CTDP1: variants seen among roughly 807,000 people sequenced by gnomAD.
The protein encoded by CTDP1 is CTD phosphatase 1, also known as RNA polymerase II subunit A C-terminal domain phosphatase.
A neutral mutation model predicts 91.8 loss-of-function variants in CTDP1; 47 were observed. The ratio of observed to expected loss-of-function variants is 0.51; its 90% confidence interval spans 0.41 to 0.65. The LOEUF (loss-of-function observed/expected upper bound fraction) is 0.65. Ranked by LOEUF, CTDP1 falls within the 30% of genes least tolerant of loss-of-function variation. The pLI, the probability that CTDP1 is intolerant of heterozygous loss-of-function variation, is 0.00. For synonymous variants in CTDP1, 656 were observed against 598.5 expected (o/e 1.10, Z -1.40); for missense variants, 1,272 against 1,373.7 (o/e 0.93, Z 1.17).
In CTDP1 at chr18:79,754,243, C is replaced by G; in HGVS notation, c.*453C>G. 4.1e-6 allele frequency: 1 copy of G among 241,364 alleles called. No homozygotes were observed. The highest frequency in any genetic ancestry group is 8.3e-6 in the Non-Finnish European group (1 of 120,504). 15.0% of individuals were successfully genotyped at this position (241,364 alleles called of 1,614,324 possible). On this transcript the variant is annotated 3_prime_UTR_variant, in exon 13 of 13. Coordinates refer to ENST00000613122, the MANE Select transcript of CTDP1 (RefSeq NM_004715.5). ...TGCCTGGAACCCCCGCCGCCTGCTG[C>G]TCCCTCCTAGGGAACCCATTTCCGG...
At chr18:79,695,393 A>T (rs1378723126) in intron 2 of CTDP1, 85 bp downstream of exon 2, 2 of 1,245,392 alleles carry the variant, frequency 1.6e-6, no homozygotes, top group Non-Finnish European at 2.4e-6. Context: ...TGCTGGGAAC[A>T]CAGTGAGGCC....
chr18:79,698,320 C>T (rs1179300084), intron 4 of CTDP1, among the ~76,000 whole-genome samples: 1 of 151,972 alleles, frequency 6.6e-6, no homozygotes, highest in African/African-American at 2.4e-5. Context: ...CGAGGCGTGT[C>T]CTGAGAGGGG....
chr18:79,720,044 TAGGA>T (rs2086304263), intron 10 of CTDP1, among the ~76,000 whole-genome samples: 1 of 142,136 alleles, frequency 7.0e-6, no homozygotes, highest in Admixed American at 7.0e-5. Context: ...CACCTCCCAT[TAGGA>T]AGGCGTCCTG....
chr18:79,704,704 G>A (rs1176233741), intron 4 of CTDP1, 63 bp from the exon 5 acceptor site: 2 of 1,603,690 alleles, frequency 1.2e-6, no homozygotes, highest in Non-Finnish European at 1.7e-6. Context: ...GGGCACACAG[G>A]TTGCGGGGGC....
chr18:79,715,510 C>G lies in CTDP1; in HGVS notation c.2050C>G (p.Leu684Val). ...CGACGCCCCTGACAGGGCCACGCAC[C>G]TGATCGCCGCGCGAGCTGGTGAGTG... is the stretch of plus-strand genomic sequence containing the variant. ...SPDAPDRATH[L>V]IAARAGTEKV... Residue 684 changes from leucine to valine, a missense_variant, in exon 8 of 13, where the codon CTG (leucine) becomes GTG (valine). Physicochemically the swap from Leu to Val is conservative, Grantham distance 32. Coordinates refer to ENST00000613122, the MANE Select transcript of CTDP1 (RefSeq NM_004715.5). 6.4e-7 allele frequency: 1 copy of G among 1,559,796 alleles called. No homozygotes were observed. The highest frequency in any genetic ancestry group is 8.7e-7 in the Non-Finnish European group (1 of 1,155,680).
intron 10 of CTDP1, among the ~76,000 whole-genome samples, chr18:79,721,147 C>T (rs1168932126): frequency 2.6e-5 from 4 of 152,168 alleles, no homozygotes; most frequent in Non-Finnish European, 4.4e-5. Flanking sequence ...ACCCTGGAGC[C>T]GCTCAGGCCC....
At chr18:79,721,005 G>C (rs1487712367) in intron 10 of CTDP1, among the ~76,000 whole-genome samples, 1 of 152,206 alleles carries the variant, frequency 6.6e-6, no homozygotes, top group Non-Finnish European at 1.5e-5. Context: ...AGCCGAATGA[G>C]GGGGCGCCTG....
At chr18:79,702,785 A>G (rs1265274778) in intron 4 of CTDP1, 3 of 152,250 alleles carry the variant, frequency 2.0e-5, no homozygotes, top group African/African-American at 7.2e-5. Context: ...GATTATATTC[A>G]CTGGGAAACC....
At chr18:79,743,739 A>C (rs982482514) in intron 12 of CTDP1, among the ~76,000 whole-genome samples, 1 of 152,218 alleles carries the variant, frequency 6.6e-6, no homozygotes, top group Non-Finnish European at 1.5e-5. Flanking sequence ...CATGAGTCCA[A>C]AATTGATTCT....
At chr18:79,712,069 T>C (rs2086096800) in intron 6 of CTDP1, among the ~76,000 whole-genome samples, 1 of 152,190 alleles carries the variant, frequency 6.6e-6, no homozygotes, top group Non-Finnish European at 1.5e-5. Context: ...TTCAGAAACC[T>C]CCTTTTTGCT....
At position 79,714,535 on chromosome 18, in the gene CTDP1, G is replaced by A. The variant is rs530388928; in HGVS notation, c.1075G>A (p.Val359Met). The change falls in exon 8 of 13, where the codon GTG (valine) becomes ATG (methionine). Residue 359 changes from valine (V) to methionine (M), a missense_variant. Coordinates refer to ENST00000613122, the MANE Select transcript of CTDP1 (RefSeq NM_004715.5). ...TGAGGTCTCAGAGCCATCTCCGCCC[G>A]TGAGAGACCCTGAGGGGGTAACGCA... ...GTEVSEPSPP[V>M]RDPEGVTQAP... 59 of 1,613,156 alleles carry A rather than the reference G, an allele frequency of 3.7e-5. No individual in the cohort carries two copies. The African/African-American group carries it at 3.9e-4, about 11-fold the overall frequency.
chr18:79,725,948 C>T (rs546150966), intron 10 of CTDP1, among the ~76,000 whole-genome samples: 13 of 152,304 alleles, frequency 8.5e-5, no homozygotes, highest in East Asian at 7.7e-4. Context: ...CCACGTTTTT[C>T]TCTGTCTTTA....
At chr18:79,724,924 G>C (rs2086415086) in intron 10 of CTDP1, among the ~76,000 whole-genome samples, 1 of 152,186 alleles carries the variant, frequency 6.6e-6, no homozygotes, top group African/African-American at 2.4e-5. Context: ...AGGGCACTCA[G>C]GTGCACCTGT....
chr18:79,748,872 TGTGTTTGCCGTG>T, intron 12 of CTDP1, among the ~76,000 whole-genome samples: 2 of 40,380 alleles, frequency 5.0e-5, no homozygotes, highest in African/African-American at 7.9e-5. Context: ...AGCCGTTCTG[TGTGTTTGCCGTG>T]TCTGTGTGTT....
intron 10 of CTDP1, among the ~76,000 whole-genome samples, chr18:79,721,580 C>T (rs490904): frequency 0.76 from 115,901 of 152,028 alleles, 44,432 homozygotes; most frequent in Middle Eastern, 0.79. Context: ...GTTCTTTAGA[C>T]GCTGCTTTTC....
intron 12 of CTDP1, among the ~76,000 whole-genome samples, chr18:79,740,657 G>A (rs569571173): frequency 3.3e-5 from 5 of 152,176 alleles, no homozygotes; most frequent in East Asian, 1.9e-4. Context: ...TGCTAATTTC[G>A]CATGGCCAAG....
chr18:79,696,734 T>C (rs2085756904), intron 3 of CTDP1, among the ~76,000 whole-genome samples: 1 of 152,074 alleles, frequency 6.6e-6, no homozygotes, highest in Admixed American at 6.5e-5. Flanking sequence ...AAGAGTGAGA[T>C]GGGTTTTTAT....
In CTDP1 at chr18:79,717,637, A is replaced by G. The variant is rs1271301994; in HGVS notation, c.2171A>G (p.Gln724Arg). The G allele has an allele frequency of 6.2e-7, 1 of 1,613,876 alleles. No individual in the cohort carries two copies. The highest frequency in any genetic ancestry group is 8.5e-7 in the Non-Finnish European group (1 of 1,179,974). Reference protein sequence around the residue: ...CLERWDKVEEQLFPLRDDHTK... With the variant: ...CLERWDKVEERLFPLRDDHTK... ...GAGCGCTGGGACAAGGTGGAGGAGC[A>G]GCTCTTCCCGCTCAGGGACGATCAC... Residue 724 changes from glutamine (Q) to arginine (R), a missense_variant, in exon 9 of 13, where the codon CAG (glutamine) becomes CGG (arginine). This residue lies in a region of CTDP1 where 881 missense variants were observed against 911.6 expected (regional missense o/e 0.97). Transcript: ENST00000613122.
chr18:79,719,444 G>A (rs1372353420), intron 10 of CTDP1, among the ~76,000 whole-genome samples: 1 of 152,134 alleles, frequency 6.6e-6, no homozygotes, highest in Non-Finnish European at 1.5e-5. Context: ...CCATTCTGAT[G>A]ACAGGGAAGA....
Sources: allele counts gnomAD v4.1 joint callset (sites outside exome capture counted in the v4.1 genomes callset), GRCh38; gene constraint gnomAD v4.1.1; regional missense constraint gnomAD v4.1.1; transcripts MANE v1.5; gene names NCBI Gene and HGNC (gene_info 2026-07-23, HGNC 2026-07-21).